The following DIP2C variants were observed in gnomAD, a reference collection of about 807,000 sequenced individuals.
The protein encoded by DIP2C is disco-interacting protein 2 homolog C.
In DIP2C, 33 loss-of-function variants were observed where a neutral mutation model predicts 192.4. That is an observed-to-expected ratio of 0.17 (90% CI 0.13 to 0.23). The LOEUF (loss-of-function observed/expected upper bound fraction) is 0.23, where lower values mean the gene tolerates loss of function less well. Ranked by LOEUF, DIP2C falls within the 10% of genes least tolerant of loss-of-function variation. The pLI is 1.00. For synonymous variants in DIP2C, 979 were observed against 864.1 expected (o/e 1.13, Z -2.33); for missense variants, 1,537 against 2,110.1 (o/e 0.73, Z 5.32).
At chr10:574,397 T>C (rs1850018156) in intron 1 of DIP2C, among the ~76,000 whole-genome samples, 1 of 152,202 alleles carries the variant, frequency 6.6e-6, no homozygotes, top group Non-Finnish European at 1.5e-5. Flanking sequence ...TAGAATATGC[T>C]TTGGAAAGCA....
intron 2 of DIP2C, among the ~76,000 whole-genome samples, chr10:485,259 G>A (rs759984106): frequency 9.8e-5 from 15 of 152,374 alleles, no homozygotes; most frequent in Non-Finnish European, 1.6e-4. Context: ...GAGGGCACCT[G>A]CAGAGGGGAA....
chr10:494,556 G>C (rs1844677829), intron 1 of DIP2C, among the ~76,000 whole-genome samples: 1 of 152,154 alleles, frequency 6.6e-6, no homozygotes, highest in African/African-American at 2.4e-5. Flanking sequence ...CAATCCAAGA[G>C]GCTGCTCAAC....
At chr10:573,933 T>TAG (rs1307894116) in intron 1 of DIP2C, among the ~76,000 whole-genome samples, 17 of 152,222 alleles carry the variant, frequency 1.1e-4, no homozygotes, top group Admixed American at 1.1e-3. Context: ...CATCACAGAC[T>TAG]AGAGCGTGAC....
chr10:619,537 G>GCCCTCCCACCCT (rs528029497), intron 1 of DIP2C, among the ~76,000 whole-genome samples: 1,852 of 51,360 alleles, frequency 0.036, 31 homozygotes, highest in African/African-American at 0.05. Context: ...AAGCCCGCCC[G>GCCCTCCCACCCT]CCCGCCCTCC....
At chr10:317,405 T>C (rs1412461693) in intron 31 of DIP2C, among the ~76,000 whole-genome samples, 3 of 152,228 alleles carry the variant, frequency 2.0e-5, no homozygotes, top group Non-Finnish European at 4.4e-5. Flanking sequence ...GAAAGCACCA[T>C]GAGGCTGGCA....
intron 1 of DIP2C, among the ~76,000 whole-genome samples, chr10:568,694 A>T (rs992594447): frequency 3.8e-5 from 5 of 130,998 alleles, no homozygotes; most frequent in Admixed American, 1.9e-4. Flanking sequence ...TGAACCCGGG[A>T]GGCGGAGCTT....
At chr10:557,995 C>T (rs1341141906) in intron 1 of DIP2C, among the ~76,000 whole-genome samples, 2 of 151,976 alleles carry the variant, frequency 1.3e-5, no homozygotes, top group African/African-American at 4.8e-5. Flanking sequence ...CACAGGGTGC[C>T]GTCACATGAC....
At chr10:432,889 T>C (rs1043133970) in intron 4 of DIP2C, among the ~76,000 whole-genome samples, 1 of 152,248 alleles carries the variant, frequency 6.6e-6, no homozygotes, top group Non-Finnish European at 1.5e-5. Context: ...ATTTCTTCCT[T>C]GAGCAATGCA....
intron 23 of DIP2C, among the ~76,000 whole-genome samples, chr10:357,553 A>G (rs896982992): frequency 3.3e-5 from 5 of 152,194 alleles, no homozygotes; most frequent in African/African-American, 2.4e-5. Context: ...TATCTCCTAT[A>G]AACACATTTT....
intron 1 of DIP2C, among the ~76,000 whole-genome samples, chr10:598,951 A>G (rs1032789550): frequency 3.3e-5 from 5 of 152,242 alleles, no homozygotes; most frequent in African/African-American, 1.2e-4. Flanking sequence ...TCCTTCCAAC[A>G]ACGACTTTCT....
intron 1 of DIP2C, chr10:650,296 G>C: frequency 1.4e-6 from 1 of 717,002 alleles, no homozygotes; most frequent in Non-Finnish European, 2.6e-6. Context: ...TTCAGGGCCA[G>C]GGACCATGGT....
chr10:376,180 A>T (rs1035924264), intron 17 of DIP2C, among the ~76,000 whole-genome samples: 1 of 152,214 alleles, frequency 6.6e-6, no homozygotes, highest in Admixed American at 6.5e-5. Flanking sequence ...AGGAATCCTC[A>T]AGGTGAAGCC....
At chr10:548,911 C>CAAAAAAAAAAAAAAAAAAAAAAAAAAAA (rs61437915) in intron 1 of DIP2C, among the ~76,000 whole-genome samples, 2 of 26,458 alleles carry the variant, frequency 7.6e-5, no homozygotes, top group African/African-American at 2.7e-4. Flanking sequence ...TAGCAGCTCA[C>CAAAAAAAAAAAAAAAAAAAAAAAAAAAA]AAAAAAAAAA....
intron 1 of DIP2C, among the ~76,000 whole-genome samples, chr10:504,017 G>C (rs1365231898): frequency 6.6e-6 from 1 of 152,070 alleles, no homozygotes; most frequent in African/African-American, 2.4e-5. Flanking sequence ...TCAACTTCTG[G>C]GTTATAGATA....
At chr10:678,654 GTC>G in intron 1 of DIP2C, among the ~76,000 whole-genome samples, 2 of 15,104 alleles carry the variant, frequency 1.3e-4, no homozygotes. Flanking sequence ...CCCCGCACCT[GTC>G]CTCCCTGTGC....
At chr10:435,189 G>T (rs1967077130) in intron 4 of DIP2C, among the ~76,000 whole-genome samples, 1 of 152,052 alleles carries the variant, frequency 6.6e-6, no homozygotes, top group South Asian at 2.1e-4. Context: ...TGTTCTCTTT[G>T]CTTTTCAGTT....
chr10:513,578 C>T (rs1396913436), intron 1 of DIP2C, among the ~76,000 whole-genome samples: 1 of 152,192 alleles, frequency 6.6e-6, no homozygotes, highest in African/African-American at 2.4e-5. Flanking sequence ...CACTGCGCCA[C>T]ACTGCAGCCT....
At chr10:612,555 G>C (rs981070522) in intron 1 of DIP2C, among the ~76,000 whole-genome samples, 3 of 152,158 alleles carry the variant, frequency 2.0e-5, no homozygotes, top group African/African-American at 7.2e-5. Flanking sequence ...GATTTCAAAA[G>C]AACAGAGATG....
At chr10:348,954 T>G (rs1409236611) in intron 25 of DIP2C, among the ~76,000 whole-genome samples, 192 bp from the exon 26 acceptor site, 2 of 152,216 alleles carry the variant, frequency 1.3e-5, no homozygotes, top group Non-Finnish European at 2.9e-5. Context: ...CTTTCAGACA[T>G]GAGGTGACGA....
Sources: allele counts gnomAD v4.1 joint callset (sites outside exome capture counted in the v4.1 genomes callset), GRCh38; gene constraint gnomAD v4.1.1; transcripts MANE v1.5; gene names NCBI Gene and HGNC (gene_info 2026-07-23, HGNC 2026-07-21).